FHIP1A: variants seen among roughly 807,000 people sequenced by gnomAD.
FHIP1A encodes the protein FHF complex subunit HOOK interacting protein 1A, also known as FHF complex subunit HOOK-interacting protein 1A.
Under a neutral mutation model 88.6 loss-of-function variants are expected in FHIP1A, and 61 were observed. That is an observed-to-expected ratio of 0.69 (90% confidence interval 0.56 to 0.85). FHIP1A has a LOEUF of 0.85. Among genes scored for constraint, FHIP1A ranks in the 40% least tolerant of loss-of-function variants. The pLI is 0.00. For missense variants in FHIP1A, 1,154 were observed against 1,273.5 expected (o/e 0.91, Z 1.43); for synonymous variants, 478 against 496.0 (o/e 0.96, Z 0.48).
At chr4:151,588,779 T>A (rs1346549394) in intron 6 of FHIP1A, 61 bp from the exon 7 acceptor site, 2 of 1,074,558 alleles carry the variant, frequency 1.9e-6, no homozygotes, top group Non-Finnish European at 2.8e-6. Context: ...AGAATTGTTT[T>A]ATTTTAAGAA....
chr4:151,470,896 T>A (rs939394841), intron 2 of FHIP1A, among the ~76,000 whole-genome samples: 1 of 152,218 alleles, frequency 6.6e-6, no homozygotes, highest in African/African-American at 2.4e-5. Flanking sequence ...ATTGTATTTT[T>A]GCTCCAGGAT....
At chr4:151,647,326 C>A (rs17275598) in intron 10 of FHIP1A, among the ~76,000 whole-genome samples, 37,684 of 152,138 alleles carry the variant, frequency 0.25, 5,606 homozygotes, top group Non-Finnish European at 0.33. Flanking sequence ...TCTCTGTCAA[C>A]CTTGGCCCTC....
chr4:151,552,895 G>T (rs910946652), intron 3 of FHIP1A, among the ~76,000 whole-genome samples: 4 of 151,598 alleles, frequency 2.6e-5, no homozygotes, highest in Non-Finnish European at 5.9e-5. Flanking sequence ...CATTTCTCCC[G>T]GGTGTGTGTG....
intron 3 of FHIP1A, among the ~76,000 whole-genome samples, chr4:151,491,471 A>G (rs1428983284): frequency 6.6e-6 from 1 of 152,212 alleles, no homozygotes; most frequent in Non-Finnish European, 1.5e-5. Flanking sequence ...CAAGCACTAT[A>G]AGAAATGCTA....
chr4:151,427,641 C>T (rs1456717351), intron 1 of FHIP1A, among the ~76,000 whole-genome samples: 1 of 151,994 alleles, frequency 6.6e-6, no homozygotes, highest in East Asian at 1.9e-4. Context: ...GCCCTCTCAA[C>T]CCCATTTTCC....
chr4:151,583,197 A>G (rs1734087392), intron 5 of FHIP1A, among the ~76,000 whole-genome samples: 1 of 152,200 alleles, frequency 6.6e-6, no homozygotes, highest in Admixed American at 6.5e-5. Flanking sequence ...GGAGGATATA[A>G]ATACCATAAA....
chr4:151,582,862 A>G (rs558691365), intron 5 of FHIP1A, among the ~76,000 whole-genome samples: 1 of 152,334 alleles, frequency 6.6e-6, no homozygotes, highest in Admixed American at 6.5e-5. Context: ...TAAACTTTTA[A>G]TAATTTAATT....
rs1176923948 is a variant in FHIP1A, at chr4:151,566,367, A to G, written c.105+3A>G. On this transcript the variant is annotated splice_donor_region_variant and intron_variant, in intron 4 of 13. Transcript: ENST00000435205. ...TATTTAAAAACCACTGGGCACAGGT[A>G]ATGTATGAATTCCACTTTTTTTGCT... The G allele has an allele frequency of 6.5e-7, 1 of 1,531,208 alleles. No homozygotes were observed. The highest frequency in any genetic ancestry group is 2.0e-5 in the Admixed American group (1 of 50,922). The allele number at this position is 1,531,208 out of a possible 1,614,324, so 94.9% of individuals were successfully genotyped here. A position where few individuals can be genotyped will look rare whatever the true frequency, so the allele number is the denominator to read the frequency against.
At chr4:151,452,936 G>GTATATATA (rs111734450) in intron 1 of FHIP1A, among the ~76,000 whole-genome samples, 32 of 146,206 alleles carry the variant, frequency 2.2e-4, no homozygotes, top group East Asian at 2.0e-3. Context: ...ACATTGAAAC[G>GTATATATA]TATATATATA....
At chr4:151,603,947 A>G (rs1734972130) in intron 7 of FHIP1A, among the ~76,000 whole-genome samples, 1 of 152,248 alleles carries the variant, frequency 6.6e-6, no homozygotes, top group South Asian at 2.1e-4. Context: ...ATCTCACACA[A>G]AACTGCTGGA....
intron 2 of FHIP1A, among the ~76,000 whole-genome samples, chr4:151,458,922 A>T (rs1213646477): frequency 6.6e-6 from 1 of 152,112 alleles, no homozygotes; most frequent in Non-Finnish European, 1.5e-5. Context: ...TATCCTCACA[A>T]ACTCTTGGTT....
chr4:151,485,299 T>TTTTTTTTTTTTTTTTTTTTTTC (rs1730041799), intron 3 of FHIP1A, among the ~76,000 whole-genome samples: 1 of 140,650 alleles, frequency 7.1e-6, no homozygotes, highest in African/African-American at 2.6e-5. Flanking sequence ...TTTTTTTTTT[T>TTTTTTTTTTTTTTTTTTTTTTC]TTTGTCTGTT....
At chr4:151,598,083 A>T (rs577176146) in intron 7 of FHIP1A, among the ~76,000 whole-genome samples, 1 of 152,214 alleles carries the variant, frequency 6.6e-6, no homozygotes, top group South Asian at 2.1e-4. Context: ...GGTATTAAAA[A>T]AAAAACAGCT....
At chr4:151,474,302 A>G (rs1213728457) in intron 2 of FHIP1A, among the ~76,000 whole-genome samples, 1 of 152,246 alleles carries the variant, frequency 6.6e-6, no homozygotes. Context: ...GTTATGCCTC[A>G]CTACCTTAAT....
At chr4:151,426,661 A>G (rs1733386061) in intron 1 of FHIP1A, among the ~76,000 whole-genome samples, 1 of 152,176 alleles carries the variant, frequency 6.6e-6, no homozygotes, top group South Asian at 2.1e-4. Context: ...CAACAGTTTT[A>G]TTATAGGGAG....
At chr4:151,453,801 G>C (rs963279795) in intron 1 of FHIP1A, among the ~76,000 whole-genome samples, 1 of 151,960 alleles carries the variant, frequency 6.6e-6, no homozygotes, top group African/African-American at 2.4e-5. Context: ...ACTGGGAGGC[G>C]GAGGTTGCGG....
chr4:151,534,592 T>C (rs573564791), intron 3 of FHIP1A: 1 of 152,376 alleles, frequency 6.6e-6, no homozygotes, highest in African/African-American at 2.4e-5. Context: ...GTCAAAATTC[T>C]GCAATTAAAG....
chr4:151,586,862 G>C (rs7664663), intron 6 of FHIP1A, 63 bp downstream of exon 6: 387,030 of 1,219,176 alleles, frequency 0.32, 63,054 homozygotes, highest in Non-Finnish European at 0.33. Context: ...GCACTGCAAA[G>C]GATTAATTTT....
intron 3 of FHIP1A, among the ~76,000 whole-genome samples, chr4:151,503,826 A>G (rs888147113): frequency 3.3e-5 from 5 of 152,180 alleles, no homozygotes; most frequent in Non-Finnish European, 4.4e-5. Flanking sequence ...TCTCTATAGC[A>G]TAGACTCCCT....
Sources: gnomAD v4.1 joint callset for allele counts (sites outside exome capture counted in the v4.1 genomes callset) on GRCh38, gnomAD v4.1.1 for gene constraint, MANE v1.5 for transcripts, NCBI Gene and HGNC (gene_info 2026-07-23, HGNC 2026-07-21) for gene names.